The following IGF1R variants were observed in gnomAD, a reference collection of about 807,000 sequenced individuals.
The protein encoded by IGF1R is insulin-like growth factor 1 receptor.
A neutral mutation model predicts 144.6 loss-of-function variants in IGF1R; 44 were observed. The observed-to-expected ratio is 0.30, with a 90% CI of 0.24 to 0.39. The LOEUF (loss-of-function observed/expected upper bound fraction) is 0.39. IGF1R is among the 10% of genes least tolerant of loss of function. IGF1R has a pLI of 1.00. For synonymous variants in IGF1R, 795 were observed against 722.8 expected (o/e 1.10, Z -1.60); for missense variants, 1,355 against 1,833.7 (o/e 0.74, Z 4.77).
At chr15:98,880,300 C>CA (rs1182151214) in intron 2 of IGF1R, among the ~76,000 whole-genome samples, 1 of 152,200 alleles carries the variant, frequency 6.6e-6, no homozygotes, top group Admixed American at 6.5e-5. Flanking sequence ...AATTAGCTCT[C>CA]AAAACCTCTA....
Position 98,939,383 on chromosome 15 carries a change from C to G in IGF1R, c.3457+23C>G. ...GAGGTGTGTCCTTAGCTTTCCAGGT[C>G]TGGGCAAGAACTAAACTCAGGTGTT... is the stretch of plus-strand genomic sequence containing the variant. On this transcript the variant is annotated intron_variant, in intron 18 of 20. Coordinates refer to ENST00000650285, the MANE Select transcript of IGF1R (RefSeq NM_000875.5). 4 of 1,613,368 alleles carry G rather than the reference C, an allele frequency of 2.5e-6. No homozygotes were observed. In the South Asian group the frequency reaches 4.4e-5, roughly 18 times the overall value.
At chr15:98,689,821 G>A (rs1169843428) in intron 1 of IGF1R, among the ~76,000 whole-genome samples, 2 of 152,088 alleles carry the variant, frequency 1.3e-5, no homozygotes, top group African/African-American at 2.4e-5. Context: ...TTCAGCCAGC[G>A]GTGTGAGTGA....
Position 98,896,671 on chromosome 15 carries a change from T to C in IGF1R, c.954-86T>C, listed in dbSNP as rs2014212838. ...TTTCTAATGCATGCTGTAATAACAA[T>C]GAAAAGCATATCCTTATGGTTTTTT... On this transcript the variant is annotated intron_variant, in intron 3 of 20. Coordinates refer to ENST00000650285, the MANE Select transcript of IGF1R (RefSeq NM_000875.5). The C allele has an allele frequency of 2.9e-6, 4 of 1,359,008 alleles. No individual in the cohort carries two copies. The South Asian group carries it at 3.6e-5, about 12-fold the overall frequency. 84.2% of individuals were successfully genotyped at this position (1,359,008 alleles called of 1,614,324 possible). A position where few individuals can be genotyped will look rare whatever the true frequency, so the allele number is the denominator to read the frequency against.
At chr15:98,780,978 C>T (rs913677545) in intron 2 of IGF1R, among the ~76,000 whole-genome samples, 8 of 152,052 alleles carry the variant, frequency 5.3e-5, no homozygotes, top group African/African-American at 1.7e-4. Flanking sequence ...AAAATTTAGC[C>T]GGGAGTCGTG....
chr15:98,957,504 G>A lies in IGF1R; in HGVS notation c.*62G>A, dbSNP rs1239496047. ...GCGCACGCGCAGCGGGGTGGGGGGG[G>A]AGAGAGAGTTTTAACAATCCATTCA... On this transcript the variant is annotated 3_prime_UTR_variant, in exon 21 of 21. Transcript: ENST00000650285. The A allele has an allele frequency of 6.3e-7, 1 of 1,596,556 alleles. No individual in the cohort carries two copies. Among genetic ancestry groups the A allele is most frequent in the Non-Finnish European group, 8.5e-7 (1 of 1,170,730 alleles).
At chr15:98,884,761 C>A (rs1046927648) in intron 2 of IGF1R, among the ~76,000 whole-genome samples, 1 of 151,158 alleles carries the variant, frequency 6.6e-6, no homozygotes. Flanking sequence ...CCCTGCTTTT[C>A]CTCATCTGCA....
intron 2 of IGF1R, among the ~76,000 whole-genome samples, chr15:98,862,733 T>C (rs1391209831): frequency 6.6e-6 from 1 of 152,244 alleles, no homozygotes; most frequent in Non-Finnish European, 1.5e-5. Flanking sequence ...CAAAGGTCTT[T>C]TTCTCAACTT....
At position 98,664,234 on chromosome 15, in the gene IGF1R, T is replaced by C. The variant is rs554127348; in HGVS notation, c.94+14559T>C. On this transcript the variant is annotated intron_variant, in intron 1 of 20. Transcript: ENST00000650285. ...ACTAGAAAGCAGGCCTTCTCCCTTT[T>C]CCCCCCAGTCTTGTTTCATGACACC... Among the ~76,000 whole-genome samples the C allele has an allele frequency of 1.9e-3, 287 of 152,168 alleles. 1 individual carries two copies. Among genetic ancestry groups the C allele is most frequent in the South Asian group, 3.5e-3 (17 of 4,812 alleles).
intron 11 of IGF1R, among the ~76,000 whole-genome samples, chr15:98,923,005 A>G (rs571427545): frequency 7.4e-4 from 113 of 152,314 alleles, no homozygotes; most frequent in African/African-American, 2.6e-3. Flanking sequence ...GGTGGTAGAA[A>G]GAGCACGGAG....
chr15:98,911,488 A>G (rs1421556202), intron 7 of IGF1R, 47 bp downstream of exon 7: 1 of 1,612,974 alleles, frequency 6.2e-7, no homozygotes, highest in Non-Finnish European at 8.5e-7. Flanking sequence ...AGGGCTACGA[A>G]TGGGAGAGGC....
chr15:98,851,240 C>T (rs1391352111), intron 2 of IGF1R, among the ~76,000 whole-genome samples: 1 of 152,142 alleles, frequency 6.6e-6, no homozygotes, highest in East Asian at 1.9e-4. Context: ...GCTTTACATG[C>T]CAGGCGGGCA....
intron 2 of IGF1R, among the ~76,000 whole-genome samples, chr15:98,773,030 CTTGAG>C (rs984612626): frequency 1.3e-5 from 2 of 152,150 alleles, no homozygotes; most frequent in African/African-American, 2.4e-5. Context: ...GCATGCCTCT[CTTGAG>C]TTAACTACTG....
At chr15:98,774,933 A>G (rs374338092) in intron 2 of IGF1R, among the ~76,000 whole-genome samples, 175 of 117,448 alleles carry the variant, frequency 1.5e-3, no homozygotes, top group African/African-American at 4.3e-3. Flanking sequence ...AGGGAACTGG[A>G]GGTAGGGTCT....
chr15:98,742,271 G>C (rs2054763097), intron 2 of IGF1R, among the ~76,000 whole-genome samples: 2 of 152,194 alleles, frequency 1.3e-5, no homozygotes. Flanking sequence ...ACAGCATGAA[G>C]CCAGATCTAA....
chr15:98,833,595 A>T (rs1395170139), intron 2 of IGF1R, among the ~76,000 whole-genome samples: 50 of 152,324 alleles, frequency 3.3e-4, no homozygotes, highest in Non-Finnish European at 1.3e-4. Context: ...AGGGAATGGG[A>T]ATAGGGAGAA....
Position 98,928,214 on chromosome 15 carries a change from G to A in IGF1R, c.2783-1344G>A, listed in dbSNP as rs948556503. ...GGGGGATGGTATGAGCTGTCATACT[G>A]TATGAGCCTCATCCTGGGGCCATGA... On this transcript the variant is annotated intron_variant, in intron 13 of 20. Transcript: ENST00000650285. 2.5e-4 allele frequency among the ~76,000 whole-genome samples: 38 copies of A among 152,114 alleles called. 2 individuals are homozygous for A. Among genetic ancestry groups the A allele is most frequent in the African/African-American group, 2.4e-5 (1 of 41,412 alleles).
At chr15:98,949,379 CTTT>C (rs5814914) in intron 20 of IGF1R, among the ~76,000 whole-genome samples, 1 of 135,322 alleles carries the variant, frequency 7.4e-6, no homozygotes. Flanking sequence ...TCTCACTGCA[CTTT>C]TTTTTTTTTT....
At chr15:98,938,471 G>A (rs74032117) in intron 17 of IGF1R, among the ~76,000 whole-genome samples, 2,259 of 152,280 alleles carry the variant, frequency 0.015, 72 homozygotes, top group African/African-American at 0.052. Context: ...ATTATTTAAG[G>A]GTAATTCTTT....
At position 98,957,578 on chromosome 15, in the gene IGF1R, C is replaced by A. The variant is rs895060176; in HGVS notation, c.*136C>A. ...TCTTCAGAACTGCCCTTGCTGCCCG[C>A]GGGAGACAGCTTCTCTGCAGTAAAA... On this transcript the variant is annotated 3_prime_UTR_variant, in exon 21 of 21. Transcript: ENST00000650285. 2 of 1,055,350 alleles carry A rather than the reference C, an allele frequency of 1.9e-6. No individual in the cohort carries two copies. Among genetic ancestry groups the A allele is most frequent in the Non-Finnish European group, 2.8e-6 (2 of 704,970 alleles). The allele number at this position is 1,055,350 out of a possible 1,614,324, so 65.4% of individuals were successfully genotyped here. A position where few individuals can be genotyped will look rare whatever the true frequency, so the allele number is the denominator to read the frequency against.
Sources: gnomAD v4.1 joint callset for allele counts (sites outside exome capture counted in the v4.1 genomes callset) on GRCh38, gnomAD v4.1.1 for gene constraint, MANE v1.5 for transcripts, NCBI Gene and HGNC (gene_info 2026-07-23, HGNC 2026-07-21) for gene names.